The following PPCS variants were observed in gnomAD, a reference collection of about 807,000 sequenced individuals.
PPCS encodes the protein phosphopantothenoylcysteine synthetase.
Under a neutral mutation model 24.6 loss-of-function variants are expected in PPCS, and 17 were observed. The observed-to-expected ratio is 0.69, with a 90% confidence interval of 0.47 to 1.04. The LOEUF is 1.04. PPCS is among the 50% of genes least tolerant of loss of function. The pLI, the probability that PPCS is intolerant of heterozygous loss-of-function variation, is 0.00. For synonymous variants in PPCS, 190 were observed against 168.3 expected (o/e 1.13, Z -1.00); for missense variants, 360 against 402.8 (o/e 0.89, Z 0.91).
intron 2 of PPCS, 123 bp from the exon 3 acceptor site, chr1:42,459,480 T>A: frequency 1.1e-6 from 1 of 880,116 alleles, no homozygotes; most frequent in Non-Finnish European, 1.7e-6. Context: ...AAACTAAACA[T>A]TTAACTGAAA....
At chr1:42,467,220 A>G (rs1643618837) in intron 2 of PPCS, among the ~76,000 whole-genome samples, 1 of 152,236 alleles carries the variant, frequency 6.6e-6, no homozygotes, top group Admixed American at 6.5e-5. Context: ...CATGAAAGCA[A>G]CAAGAAGGTT....
At chr1:42,462,809 G>A (rs1643446295), downstream of PPCS, among the ~76,000 whole-genome samples, 1 of 152,150 alleles carries the variant, frequency 6.6e-6, no homozygotes, top group African/African-American at 2.4e-5. Flanking sequence ...TTCTAGTCAA[G>A]CCCAGTTTCT....
chr1:42,473,199 ACT>A, exon 3 of PPCS: 1 of 1,231,216 alleles, frequency 8.1e-7, no homozygotes, highest in Non-Finnish European at 1.0e-6. Flanking sequence ...CAGAAGAACA[ACT>A]CTGTTTGGTG....
intron 2 of PPCS, among the ~76,000 whole-genome samples, chr1:42,472,406 G>C (rs1466588574): frequency 2.0e-5 from 3 of 152,186 alleles, no homozygotes; most frequent in Non-Finnish European, 2.9e-5. Flanking sequence ...CTTAGACCAA[G>C]AAGTTGCAGA....
chr1:42,459,445 C>G, intron 2 of PPCS, 158 bp from the exon 3 acceptor site: 2 of 689,820 alleles, frequency 2.9e-6, no homozygotes, highest in Non-Finnish European at 4.8e-6. Context: ...ACAGGCCAAG[C>G]CACTGTGTTC....
At position 42,456,708 on chromosome 1, in the gene PPCS, C is replaced by T. The variant is rs1569593614; in HGVS notation, c.143C>T (p.Pro48Leu). 1 of 1,608,650 alleles carries T rather than the reference C, an allele frequency of 6.2e-7. No homozygotes were observed. Among genetic ancestry groups the T allele is most frequent in the East Asian group, 2.2e-5 (1 of 44,850 alleles). Residue 48 changes from proline to leucine, a missense_variant, in exon 1 of 3, where the codon CCA (proline) becomes CTA (leucine). Physicochemically the swap from Pro to Leu is moderately conservative, Grantham distance 98. This residue lies in a region of PPCS where 244 missense variants were observed against 234.7 expected (regional missense o/e 1.04). Transcript: ENST00000372561. ...VLVTSGGTKV[P>L]LEARPVRFLD... is the part of the protein sequence containing the mutation. ...GTTACGTCAGGCGGCACCAAGGTCC[C>T]ACTGGAAGCGCGGCCGGTGCGCTTC... is the stretch of plus-strand genomic sequence containing the variant.
chr1:42,456,850 C>T lies in PPCS; in HGVS notation c.285C>T (p.Arg95=). The change falls in exon 1 of 3, where the codon CGC becomes CGT. Residue 95 remains arginine (R), a synonymous_variant. Coordinates refer to ENST00000372561, the MANE Select transcript of PPCS (RefSeq NM_024664.4). The part of the protein sequence containing the change: ...RARSAFPYAH[R]FPPQTWLSAL... Reference sequence around the variant, plus strand: ...GCTCTGCCTTCCCCTATGCCCACCGCTTCCCACCCCAGACTTGGCTGTCCG... The same window carrying T: ...GCTCTGCCTTCCCCTATGCCCACCGTTTCCCACCCCAGACTTGGCTGTCCG... 1 of 1,613,538 alleles carries T rather than the reference C, an allele frequency of 6.2e-7. No homozygotes were observed. The highest frequency in any genetic ancestry group is 2.2e-5 in the East Asian group (1 of 44,884).
At chr1:42,472,640 G>A (rs1323369805) in intron 2 of PPCS, among the ~76,000 whole-genome samples, 2 of 151,496 alleles carry the variant, frequency 1.3e-5, no homozygotes, top group African/African-American at 4.8e-5. Context: ...AGAACAGACA[G>A]AAAAGCTTTT....
At chr1:42,459,568 T>G (rs780730136) in intron 2 of PPCS, 35 bp from the exon 3 acceptor site, 1 of 1,566,482 alleles carries the variant, frequency 6.4e-7, no homozygotes, top group South Asian at 1.1e-5. Context: ...TAATGACCAT[T>G]GTTTGCTTAT....
At chr1:42,457,112 A>G (rs1179358657) in intron 1 of PPCS, 39 bp downstream of exon 1, 1 of 1,575,558 alleles carries the variant, frequency 6.3e-7, no homozygotes, top group Non-Finnish European at 8.6e-7. Context: ...CTGGAAGCAC[A>G]GCCTTTCTTT....
rs762557989 is a variant in PPCS, at chr1:42,456,871, G to A, written c.306G>A (p.Leu102=). Residue 102 remains leucine, a synonymous_variant, in exon 1 of 3, where the codon CTG becomes CTA. Transcript: ENST00000372561. The part of the protein sequence containing the change: ...YAHRFPPQTW[L]SALRPSGPAL... ...ACCGCTTCCCACCCCAGACTTGGCT[G>A]TCCGCTCTGCGGCCTTCGGGCCCAG... 1 of 1,613,386 alleles carries A rather than the reference G, an allele frequency of 6.2e-7. No individual in the cohort carries two copies. The highest frequency in any genetic ancestry group is 2.2e-5 in the East Asian group (1 of 44,882).
upstream of PPCS, chr1:42,456,456 G>T: frequency 8.7e-7 from 1 of 1,155,524 alleles, no homozygotes; most frequent in Non-Finnish European, 1.2e-6. Context: ...GTCAAAAGAA[G>T]GGTAGTGAAC....
In PPCS at chr1:42,459,962, G is replaced by A; in HGVS notation, c.*36G>A. 1 of 1,542,656 alleles carries A rather than the reference G, an allele frequency of 6.5e-7. No individual in the cohort carries two copies. The highest frequency in any genetic ancestry group is 1.4e-5 in the African/African-American group (1 of 72,108). Reference sequence around the variant, plus strand: ...CCTTATAGGATCAAAAATTGTTCAGGGCTCTTAGAGATGGTGAAAACTACA... The same window carrying A: ...CCTTATAGGATCAAAAATTGTTCAGAGCTCTTAGAGATGGTGAAAACTACA... On this transcript the variant is annotated 3_prime_UTR_variant, in exon 3 of 3. Transcript: ENST00000372561.
chr1:42,473,028 T>C, intron 2 of PPCS: 2 of 1,141,438 alleles, frequency 1.8e-6, no homozygotes, highest in Non-Finnish European at 2.2e-6. Flanking sequence ...AGTACTCTAA[T>C]AAGGAGACTA....
At position 42,456,904 on chromosome 1, in the gene PPCS, G is replaced by C; in HGVS notation, c.339G>C (p.Ser113=). The C allele has an allele frequency of 1.9e-6, 3 of 1,611,922 alleles. No homozygotes were observed. The highest frequency in any genetic ancestry group is 1.7e-6 in the Non-Finnish European group (2 of 1,180,022). The change falls in exon 1 of 3, where the codon TCG becomes TCC. Residue 113 remains serine, a synonymous_variant. Transcript: ENST00000372561. ...SALRPSGPAL[S]GLLSLEAEEN... The stretch of plus-strand genomic sequence containing the variant: ...TGCGGCCTTCGGGCCCAGCCCTTTC[G>C]GGCTTGCTGAGCCTGGAGGCCGAGG...
Position 42,457,003 on chromosome 1 carries a change from A to T in PPCS, c.438A>T (p.Ala146=). ...QEAAAAGTFL[A]VEFTTLADYL... Reference sequence around the variant, plus strand: ...CTGCGGCTGCAGGCACCTTCCTGGCAGTAGAGTTCACCACTTTGGCGGACT... The same window carrying T: ...CTGCGGCTGCAGGCACCTTCCTGGCTGTAGAGTTCACCACTTTGGCGGACT... Residue 146 remains alanine, a synonymous_variant, in exon 1 of 3, where the codon GCA becomes GCT. Coordinates refer to ENST00000372561, the MANE Select transcript of PPCS (RefSeq NM_024664.4). 6.2e-7 allele frequency: 1 copy of T among 1,602,138 alleles called. No individual in the cohort carries two copies. Among genetic ancestry groups the T allele is most frequent in the Non-Finnish European group, 8.5e-7 (1 of 1,179,920 alleles).
At chr1:42,462,979 A>T (rs927343738), downstream of PPCS, among the ~76,000 whole-genome samples, 2 of 152,254 alleles carry the variant, frequency 1.3e-5, no homozygotes, top group Non-Finnish European at 2.9e-5. Context: ...ATCCAAGGTT[A>T]GTAGGCAGGG....
At chr1:42,464,229 C>T (rs980856197), downstream of PPCS, 1 of 151,938 alleles carries the variant, frequency 6.6e-6, no homozygotes, top group Admixed American at 6.6e-5. Context: ...TAAATATAAA[C>T]ATTAAATACT....
chr1:42,470,661 A>G (rs1177277011), intron 2 of PPCS, among the ~76,000 whole-genome samples: 1 of 152,226 alleles, frequency 6.6e-6, no homozygotes, highest in East Asian at 1.9e-4. Context: ...TACAACATGG[A>G]TGAATCTTGA....
Sources: allele counts gnomAD v4.1 joint callset (sites outside exome capture counted in the v4.1 genomes callset), GRCh38; gene constraint gnomAD v4.1.1; regional missense constraint gnomAD v4.1.1; transcripts MANE v1.5; gene names NCBI Gene and HGNC (gene_info 2026-07-23, HGNC 2026-07-21).